Variants in ATRN observed in about 807,000 individuals in gnomAD.
ATRN encodes the protein attractin-2.
ATRN carries 54 observed loss-of-function variants against 178.7 expected under a neutral mutation model. The ratio of observed to expected loss-of-function variants is 0.30; its 90% confidence interval spans 0.24 to 0.38. The LOEUF (loss-of-function observed/expected upper bound fraction) is 0.38, where lower values mean the gene tolerates loss of function less well. Ranked by LOEUF, ATRN falls within the 10% of genes least tolerant of loss-of-function variation. The probability of loss-of-function intolerance (pLI) is 1.00; values close to 1 mark genes in which losing one functional copy is unlikely to be tolerated. For missense variants in ATRN, 1,443 were observed against 1,815.1 expected, an observed-to-expected ratio of 0.79 and a Z score of 3.73; for synonymous variants, 636 against 663.0, an observed-to-expected ratio of 0.96 and a Z score of 0.63.
chr20:3,608,292 C>G (rs908121871), intron 24 of ATRN, among the ~76,000 whole-genome samples: 1 of 152,148 alleles, frequency 6.6e-6, no homozygotes, highest in Non-Finnish European at 1.5e-5. Flanking sequence ...AGACCAATGT[C>G]CTGAAGGATT....
At chr20:3,543,790 T>C (rs1333614521) in intron 3 of ATRN, among the ~76,000 whole-genome samples, 1 of 151,834 alleles carries the variant, frequency 6.6e-6, no homozygotes, top group Non-Finnish European at 1.5e-5. Flanking sequence ...CCCAACACTT[T>C]GTGAGGCCGA....
intron 25 of ATRN, chr20:3,629,217 C>T (rs2086970770): frequency 2.0e-6 from 2 of 985,230 alleles, no homozygotes; most frequent in Non-Finnish European, 2.4e-6. Context: ...CACAAAAAGT[C>T]CAGAGAAGAC....
intron 7 of ATRN, 41 bp downstream of exon 7, chr20:3,559,524 T>G (rs1349487899): frequency 4.0e-6 from 6 of 1,512,470 alleles, no homozygotes; most frequent in African/African-American, 1.4e-5. Flanking sequence ...AAACTAAGTT[T>G]TCCTCAGTTA....
intron 24 of ATRN, among the ~76,000 whole-genome samples, chr20:3,607,987 C>A (rs768443617): frequency 6.6e-6 from 1 of 152,222 alleles, no homozygotes; most frequent in East Asian, 1.9e-4. Flanking sequence ...AGATTTTTTT[C>A]ATATGCCTGT....
intron 15 of ATRN, among the ~76,000 whole-genome samples, chr20:3,581,512 A>G (rs941496439): frequency 2.0e-5 from 3 of 152,198 alleles, no homozygotes; most frequent in African/African-American, 7.2e-5. Flanking sequence ...CTTATCTAAA[A>G]TGCTTTGGAC....
At chr20:3,473,244 TGGAGGTAA>T (rs2084458421) in intron 1 of ATRN, among the ~76,000 whole-genome samples, 2 of 151,948 alleles carry the variant, frequency 1.3e-5, no homozygotes, top group Non-Finnish European at 2.9e-5. Flanking sequence ...TTTAAGGCTG[TGGAGGTAA>T]AGAGCAGGAG....
chr20:3,530,134 C>A, intron 1 of ATRN, among the ~76,000 whole-genome samples: 1 of 148,782 alleles, frequency 6.7e-6, no homozygotes, highest in African/African-American at 2.5e-5. Flanking sequence ...AATCCAATAG[C>A]CATAATCTTG....
At chr20:3,600,064 A>T (rs1024980321) in intron 22 of ATRN, among the ~76,000 whole-genome samples, 2 of 152,240 alleles carry the variant, frequency 1.3e-5, no homozygotes, top group Non-Finnish European at 2.9e-5. Flanking sequence ...TCTGTAAAAG[A>T]TAAAAATATA....
chr20:3,519,006 T>TATATATAAAAAAA (rs770584938), intron 1 of ATRN, among the ~76,000 whole-genome samples: 11 of 119,486 alleles, frequency 9.2e-5, no homozygotes, highest in African/African-American at 3.7e-4. Flanking sequence ...TCCTTATATA[T>TATATATAAAAAAA]AAAAAAAAAA....
intron 27 of ATRN, among the ~76,000 whole-genome samples, chr20:3,643,141 GCAGAGTCTTCCC>G (rs1206088887): frequency 6.6e-6 from 1 of 152,122 alleles, no homozygotes; most frequent in African/African-American, 2.4e-5. Context: ...GCATTTCAAA[GCAGAGTCTTCCC>G]CAGAGTCTCC....
intron 1 of ATRN, among the ~76,000 whole-genome samples, chr20:3,512,718 C>T (rs963649937): frequency 2.0e-5 from 3 of 152,120 alleles, no homozygotes; most frequent in Non-Finnish European, 4.4e-5. Context: ...GTTTACAGTC[C>T]CACCAACAGT....
intron 1 of ATRN, among the ~76,000 whole-genome samples, chr20:3,530,654 TTAA>T (rs2146171036): frequency 6.6e-6 from 1 of 152,120 alleles, no homozygotes; most frequent in East Asian, 1.9e-4. Flanking sequence ...AATAGTGCAT[TTAA>T]TAATCTTAAT....
intron 1 of ATRN, among the ~76,000 whole-genome samples, chr20:3,532,819 G>A (rs1405068245): frequency 6.6e-6 from 1 of 151,872 alleles, no homozygotes; most frequent in Non-Finnish European, 1.5e-5. Context: ...CTGGAGTGCA[G>A]TGGCGCGATC....
At chr20:3,620,055 TC>T (rs535872350) in intron 24 of ATRN, among the ~76,000 whole-genome samples, 3 of 152,172 alleles carry the variant, frequency 2.0e-5, no homozygotes, top group African/African-American at 7.2e-5. Flanking sequence ...CAAAGCACTG[TC>T]CTCTCTTCCT....
At chr20:3,513,141 T>C (rs2085159628) in intron 1 of ATRN, among the ~76,000 whole-genome samples, 1 of 152,242 alleles carries the variant, frequency 6.6e-6, no homozygotes, top group Non-Finnish European at 1.5e-5. Flanking sequence ...TTTTAGCTTT[T>C]GTTACCATTG....
At chr20:3,559,538 C>T in intron 7 of ATRN, 55 bp downstream of exon 7, 1 of 1,394,528 alleles carries the variant, frequency 7.2e-7, no homozygotes, top group Non-Finnish European at 1.0e-6. Context: ...TCAGTTACTT[C>T]ATGTATTACA....
intron 1 of ATRN, among the ~76,000 whole-genome samples, chr20:3,526,715 A>G (rs1242301617): frequency 2.0e-5 from 3 of 151,544 alleles, no homozygotes; most frequent in East Asian, 3.9e-4. Flanking sequence ...CCAAAACAGC[A>G]TGATACCAAA....
intron 22 of ATRN, among the ~76,000 whole-genome samples, chr20:3,598,904 T>C (rs545910755): frequency 2.0e-4 from 31 of 152,322 alleles, no homozygotes; most frequent in African/African-American, 7.5e-4. Flanking sequence ...GAAAACAATA[T>C]GGCAGTAAGA....
intron 24 of ATRN, among the ~76,000 whole-genome samples, chr20:3,621,950 A>G (rs1290777221): frequency 6.6e-5 from 10 of 152,248 alleles, no homozygotes; most frequent in Non-Finnish European, 1.0e-4. Flanking sequence ...AATGTTTATT[A>G]AGTGCCAATT....
Sources: gnomAD v4.1 joint callset for allele counts (sites outside exome capture counted in the v4.1 genomes callset) on GRCh38, gnomAD v4.1.1 for gene constraint, MANE v1.5 for transcripts, NCBI Gene and HGNC (gene_info 2026-07-23, HGNC 2026-07-21) for gene names.